The following THSD4 variants were observed in gnomAD, a reference collection of about 807,000 sequenced individuals.
THSD4 encodes the protein thrombospondin type-1 domain-containing protein 4.
A neutral mutation model predicts 119.0 loss-of-function variants in THSD4; 69 were observed. The observed-to-expected ratio is 0.58, with a 90% CI of 0.48 to 0.71. The LOEUF is 0.71. Among genes scored for constraint, THSD4 ranks in the 30% least tolerant of loss-of-function variants. The pLI, the probability that THSD4 is intolerant of heterozygous loss-of-function variation, is 0.00. For synonymous variants in THSD4, 524 were observed against 540.4 expected, an observed-to-expected ratio of 0.97 and a Z score of 0.42; for missense variants, 1,393 against 1,391.1, an observed-to-expected ratio of 1.00 and a Z score of -0.02.
intron 3 of THSD4, among the ~76,000 whole-genome samples, chr15:71,195,223 G>T: frequency 6.6e-6 from 1 of 152,182 alleles, no homozygotes; most frequent in East Asian, 1.9e-4. Context: ...TATATGGGTT[G>T]TTTTCCATCC....
intron 4 of THSD4, among the ~76,000 whole-genome samples, chr15:71,227,148 C>T (rs896921649): frequency 5.9e-5 from 9 of 152,214 alleles, no homozygotes; most frequent in African/African-American, 2.2e-4. Flanking sequence ...AGATTTTAAG[C>T]TTGAGTTACT....
rs2053973781 is a variant in THSD4 at position 71,779,983 on chromosome 15, G to GT, written c.*2615dup. On this transcript the variant is annotated 3_prime_UTR_variant, in exon 18 of 18. Coordinates refer to ENST00000261862, the MANE Select transcript of THSD4 (RefSeq NM_024817.3). ...AGATCCAATTTTTACTAATTCCCTAGTTTTTTATTTCAGCATCTGAATGTC... is the reference window on the plus strand; with the variant it reads ...AGATCCAATTTTTACTAATTCCCTAGTTTTTTTATTTCAGCATCTGAATGTC... 1 of 151,910 alleles carries GT rather than the reference G, an allele frequency of 6.6e-6. No homozygotes were observed. Among genetic ancestry groups the GT allele is most frequent in the Non-Finnish European group, 1.5e-5 (1 of 68,020 alleles). The allele number at this position is 151,910 out of a possible 1,614,324, so 9.4% of individuals were successfully genotyped here.
intron 8 of THSD4, among the ~76,000 whole-genome samples, chr15:71,706,402 G>T (rs2052393109): frequency 6.6e-6 from 1 of 152,160 alleles, no homozygotes; most frequent in African/African-American, 2.4e-5. Flanking sequence ...TGAACTGGAG[G>T]TTTTTATAAA....
At chr15:71,289,992 G>A (rs187372512) in intron 6 of THSD4, among the ~76,000 whole-genome samples, 34 of 152,188 alleles carry the variant, frequency 2.2e-4, no homozygotes, top group Admixed American at 1.7e-3. Context: ...GAGTATCCAC[G>A]TGTGCTGATA....
intron 8 of THSD4, among the ~76,000 whole-genome samples, chr15:71,665,025 G>A (rs1331785408): frequency 6.6e-6 from 1 of 152,112 alleles, no homozygotes; most frequent in East Asian, 1.9e-4. Flanking sequence ...GGGATTGCTG[G>A]GTCGAATGGT....
chr15:71,120,423 A>G (rs140225198), intron 1 of THSD4, among the ~76,000 whole-genome samples: 1 of 152,118 alleles, frequency 6.6e-6, no homozygotes, highest in Non-Finnish European at 1.5e-5. Flanking sequence ...GAAGCTGATC[A>G]CTGAGGTGTC....
At chr15:71,328,976 G>A (rs1167582730) in intron 6 of THSD4, among the ~76,000 whole-genome samples, 1 of 152,150 alleles carries the variant, frequency 6.6e-6, no homozygotes, top group Non-Finnish European at 1.5e-5. Flanking sequence ...TCTACAGTCT[G>A]ATGGTTCTAG....
chr15:71,662,505 G>A (rs1284072017), intron 8 of THSD4, among the ~76,000 whole-genome samples: 2 of 152,180 alleles, frequency 1.3e-5, no homozygotes, highest in African/African-American at 4.8e-5. Context: ...AATGGGAAAT[G>A]TTCTTCTGGG....
intron 6 of THSD4, among the ~76,000 whole-genome samples, chr15:71,397,731 G>A (rs954380903): frequency 6.6e-6 from 1 of 152,184 alleles, no homozygotes; most frequent in Non-Finnish European, 1.5e-5. Flanking sequence ...GAATCCTGGT[G>A]GCTCTACCAC....
intron 6 of THSD4, among the ~76,000 whole-genome samples, chr15:71,340,941 T>A (rs1174121075): frequency 6.6e-6 from 1 of 152,138 alleles, no homozygotes; most frequent in Non-Finnish European, 1.5e-5. Flanking sequence ...AGTTCACTTA[T>A]GAAAACGGGT....
chr15:71,425,667 G>A (rs981058739), intron 7 of THSD4, among the ~76,000 whole-genome samples: 2 of 152,210 alleles, frequency 1.3e-5, no homozygotes, highest in Admixed American at 1.3e-4. Flanking sequence ...GTGCCTTGCT[G>A]TGTCCAGTCT....
intron 6 of THSD4, among the ~76,000 whole-genome samples, chr15:71,335,931 G>A (rs2045484408): frequency 1.3e-5 from 2 of 152,204 alleles, no homozygotes; most frequent in Non-Finnish European, 2.9e-5. Context: ...AGGGCATGGG[G>A]GTGGGTTGTC....
intron 4 of THSD4, among the ~76,000 whole-genome samples, chr15:71,242,281 G>A (rs2140274183): frequency 6.6e-6 from 1 of 152,318 alleles, no homozygotes. Context: ...GCAATCATAT[G>A]TTTGTACTTC....
chr15:71,675,103 T>C (rs2051613611), intron 8 of THSD4, among the ~76,000 whole-genome samples: 1 of 152,188 alleles, frequency 6.6e-6, no homozygotes, highest in South Asian at 2.1e-4. Flanking sequence ...ACTTTCCAGA[T>C]TTCACTCAGT....
intron 7 of THSD4, among the ~76,000 whole-genome samples, chr15:71,538,643 A>G (rs899390177): frequency 6.6e-6 from 1 of 152,254 alleles, no homozygotes; most frequent in African/African-American, 2.4e-5. Flanking sequence ...ACACAAATCA[A>G]TGGGCTTAAC....
intron 17 of THSD4, 137 bp downstream of exon 17, chr15:71,771,345 G>C (rs776306632): frequency 1.9e-5 from 22 of 1,149,930 alleles, no homozygotes; most frequent in Non-Finnish European, 2.7e-5. Context: ...GGGTTGAGGT[G>C]CTTTTGGTAT....
At chr15:71,135,316 A>G (rs983310679) in intron 1 of THSD4, among the ~76,000 whole-genome samples, 5 of 150,628 alleles carry the variant, frequency 3.3e-5, no homozygotes, top group Non-Finnish European at 7.4e-5. Flanking sequence ...ATACATATGT[A>G]ACTAACCTGC....
At chr15:71,704,562 C>G (rs1417330731) in intron 8 of THSD4, among the ~76,000 whole-genome samples, 1 of 152,256 alleles carries the variant, frequency 6.6e-6, no homozygotes, top group East Asian at 1.9e-4. Flanking sequence ...AATTAAACCT[C>G]TTTTCCCTTA....
intron 3 of THSD4, among the ~76,000 whole-genome samples, chr15:71,208,519 T>TC (rs2043863680): frequency 6.6e-6 from 1 of 151,618 alleles, no homozygotes; most frequent in Admixed American, 6.6e-5. Flanking sequence ...TTTTTTATTT[T>TC]TTTTTATTTT....
Sources: gnomAD v4.1 joint callset for allele counts (sites outside exome capture counted in the v4.1 genomes callset) on GRCh38, gnomAD v4.1.1 for gene constraint, MANE v1.5 for transcripts, NCBI Gene and HGNC (gene_info 2026-07-23, HGNC 2026-07-21) for gene names.